Variants in ZNF441 observed in about 807,000 individuals in gnomAD.
ZNF441 encodes the protein zinc finger protein 441.
A neutral mutation model predicts 64.5 loss-of-function variants in ZNF441; 25 were observed. The observed-to-expected ratio is 0.39, with a 90% CI of 0.28 to 0.54. The LOEUF (loss-of-function observed/expected upper bound fraction) is 0.54, where lower values mean the gene tolerates loss of function less well. Among genes scored for constraint, ZNF441 ranks in the 20% least tolerant of loss-of-function variants. The pLI, the probability that ZNF441 is intolerant of heterozygous loss-of-function variation, is 0.70. For synonymous variants in ZNF441, 262 were observed against 268.0 expected, an observed-to-expected ratio of 0.98 and a Z score of 0.22; for missense variants, 715 against 843.3, an observed-to-expected ratio of 0.85 and a Z score of 1.88.
At position 11,780,995 on chromosome 19, in the gene ZNF441, C is replaced by T; in HGVS notation, c.1171C>T (p.Pro391Ser). ...TGAAACAACTCATACTGGGGAGAAA[C>T]CCTATAAATGTGAATGTGGGAAAGC... is the stretch of plus-strand genomic sequence containing the variant. Reference protein sequence around the residue: ...RHETTHTGEKPYKCECGKAFS... With the variant: ...RHETTHTGEKSYKCECGKAFS... The change falls in exon 4 of 4, where the codon CCC becomes TCC. Residue 391 changes from proline (P) to serine (S), a missense_variant. Around this residue, in one of 2 missense-constraint regions of ZNF441, gnomAD observed 316 missense variants for 429.3 expected, o/e 0.74. Transcript: ENST00000357901. The T allele has an allele frequency of 6.2e-7, 1 of 1,613,442 alleles. No individual in the cohort carries two copies. Among genetic ancestry groups the T allele is most frequent in the Non-Finnish European group, 8.5e-7 (1 of 1,179,870 alleles).
At position 11,780,174 on chromosome 19, in the gene ZNF441, C is replaced by T; in HGVS notation, c.350C>T (p.Ser117Phe). The change falls in exon 4 of 4, where the codon TCT (serine) becomes TTT (phenylalanine). Residue 117 changes from serine (S) to phenylalanine (F), a missense_variant. By Grantham distance (155) the Ser-to-Phe change is radical. Transcript: ENST00000357901. Reference protein sequence around the residue: ...ECTDVLMGRSSLNCYVRVDSE... With the variant: ...ECTDVLMGRSFLNCYVRVDSE... ...ACAGACGTCCTCATGGGTCGTTCAT[C>T]TCTTAATTGCTACGTTAGAGTTGAC... 2 of 1,614,166 alleles carry T rather than the reference C, an allele frequency of 1.2e-6. No homozygotes were observed. The highest frequency in any genetic ancestry group is 2.7e-5 in the African/African-American group (2 of 75,038).
intron 1 of ZNF441, among the ~76,000 whole-genome samples, chr19:11,776,812 CTTT>C (rs35406332): frequency 2.1e-5 from 3 of 146,264 alleles, no homozygotes; most frequent in Non-Finnish European, 3.0e-5. Context: ...TGTTTTTTCC[CTTT>C]TTTTTTTTTT....
At position 11,782,780 on chromosome 19, in the gene ZNF441, T is replaced by C. The variant is rs1002545459; in HGVS notation, c.*874T>C. On this transcript the variant is annotated 3_prime_UTR_variant, in exon 4 of 4. Transcript: ENST00000357901. ...CCTTCAAGTGACCTGGAGCCTTTGT[T>C]GCATGACAGGATTGTACCTGAAGAT... The C allele has an allele frequency of 1.1e-4, 16 of 152,350 alleles. No homozygotes were observed. The highest frequency in any genetic ancestry group is 9.1e-4 in the Admixed American group (14 of 15,308). The allele number at this position is 152,350 out of a possible 1,614,324, so 9.4% of individuals were successfully genotyped here.
chr19:11,768,714 G>C (rs1042618682), intron 1 of ZNF441, among the ~76,000 whole-genome samples: 9 of 152,232 alleles, frequency 5.9e-5, no homozygotes. Context: ...AGTGGGAGGA[G>C]TCTCCTGGTA....
chr19:11,778,339 G>A lies in ZNF441; in HGVS notation c.140G>A (p.Trp47Ter). 2 of 1,542,564 alleles carry A rather than the reference G, an allele frequency of 1.3e-6. No individual in the cohort carries two copies. Among genetic ancestry groups the A allele is most frequent in the East Asian group, 2.5e-5 (1 of 40,762 alleles). ...TGGTTCTAACTTTTAGGAATGATAT[G>A]GCAAAATCATGATATAGAAGAAGAT... ...IRNLDCIGMI[W>*]QNHDIEEDQY... Residue 47 changes from tryptophan (W) to a stop codon, truncating the protein, a stop_gained, in exon 3 of 4, where the codon TGG (tryptophan) becomes TAG (stop). Transcript: ENST00000357901. LOFTEE classifies it high-confidence loss of function.
At chr19:11,772,786 A>G (rs409210) in intron 1 of ZNF441, among the ~76,000 whole-genome samples, 73,319 of 151,504 alleles carry the variant, frequency 0.48, 19,049 homozygotes, top group African/African-American at 0.7. Flanking sequence ...CCAGCCACTC[A>G]GGAAGCTGAG....
chr19:11,776,410 A>G (rs1975355442), intron 1 of ZNF441, among the ~76,000 whole-genome samples: 1 of 152,196 alleles, frequency 6.6e-6, no homozygotes, highest in African/African-American at 2.4e-5. Context: ...GTTTTTGGAA[A>G]GCTGTTGCTT....
Position 11,781,763 on chromosome 19 carries a change from G to A in ZNF441, c.1939G>A (p.Glu647Lys), listed in dbSNP as rs750528845. ...TGGAGAGAAGCCGTATAAATGTAAG[G>A]AATGTGGGAAACCATTCCATTGTCC... ...HTGEKPYKCK[E>K]CGKPFHCPSA... Residue 647 changes from glutamate (E) to lysine (K), a missense_variant, in exon 4 of 4, where the codon GAA (glutamate) becomes AAA (lysine). By Grantham distance (56) the Glu-to-Lys change is moderately conservative. Coordinates refer to ENST00000357901, the MANE Select transcript of ZNF441 (RefSeq NM_152355.3). 6.2e-7 allele frequency: 1 copy of A among 1,614,058 alleles called. No individual in the cohort carries two copies.
At chr19:11,769,178 A>G (rs146383091) in intron 1 of ZNF441, among the ~76,000 whole-genome samples, 10 of 152,268 alleles carry the variant, frequency 6.6e-5, no homozygotes, top group African/African-American at 2.2e-4. Context: ...CTTTTTTGGT[A>G]TGGAAAAACG....
Position 11,775,777 on chromosome 19 carries a change from G to A in ZNF441, c.4-1834G>A, listed in dbSNP as rs1449006373. ...CGAGTAGCTGGAACTACAGGTGCCC[G>A]CCACCACACCTGACTAATTTTTGTA... On this transcript the variant is annotated intron_variant, in intron 1 of 3. Transcript: ENST00000357901. Among the ~76,000 whole-genome samples, 9 of 151,562 alleles carry A rather than the reference G, an allele frequency of 5.9e-5. 1 individual carries two copies. The highest frequency in any genetic ancestry group is 2.2e-4 in the African/African-American group (9 of 41,288).
chr19:11,767,019 C>G lies in ZNF441; in HGVS notation c.-175C>G. On this transcript the variant is annotated 5_prime_UTR_variant, in exon 1 of 4. Transcript: ENST00000357901. The surrounding 1 kb of genome is among the most constrained non-coding windows in gnomAD (Gnocchi z 5.1). Reference sequence around the variant, plus strand: ...AGAACTGTCAATCAGGCGCACTGACCGGAGGAGGGTGCAAGGTTCAAAGAG... The same window carrying G: ...AGAACTGTCAATCAGGCGCACTGACGGGAGGAGGGTGCAAGGTTCAAAGAG... 2 of 900,740 alleles carry G rather than the reference C, an allele frequency of 2.2e-6. No homozygotes were observed. Among genetic ancestry groups the G allele is most frequent in the Non-Finnish European group, 3.4e-6 (2 of 590,638 alleles). 55.8% of individuals were successfully genotyped at this position (900,740 alleles called of 1,614,324 possible). A position where few individuals can be genotyped will look rare whatever the true frequency, so the allele number is the denominator to read the frequency against.
rs1049301284 is a variant in ZNF441 at position 11,777,488 on chromosome 19, G to A, written c.4-123G>A. 5 of 1,107,242 alleles carry A rather than the reference G, an allele frequency of 4.5e-6. No individual in the cohort carries two copies. The African/African-American group carries it at 6.3e-5, about 14-fold the overall frequency. The allele number at this position is 1,107,242 out of a possible 1,614,324, so 68.6% of individuals were successfully genotyped here. A position where few individuals can be genotyped will look rare whatever the true frequency, so the allele number is the denominator to read the frequency against. On this transcript the variant is annotated intron_variant, in intron 1 of 3. Coordinates refer to ENST00000357901, the MANE Select transcript of ZNF441 (RefSeq NM_152355.3). ...GAGTGTAAAGAGAGAATAAGAGTGG[G>A]TTTACCATGTTCTTGAATAAATGCT...
chr19:11,778,431 G>A (rs1170837680), intron 3 of ZNF441, 38 bp downstream of exon 3: 1 of 1,401,108 alleles, frequency 7.1e-7, no homozygotes, highest in African/African-American at 1.5e-5. Context: ...TGTCCTTGAA[G>A]TGATTCATAG....
chr19:11,774,289 G>C (rs1473211011), intron 1 of ZNF441, among the ~76,000 whole-genome samples: 1 of 152,058 alleles, frequency 6.6e-6, no homozygotes, highest in Non-Finnish European at 1.5e-5. Flanking sequence ...AGATCAGATA[G>C]GTATAAGAAA....
Position 11,779,318 on chromosome 19 carries a change from C to CAAA in ZNF441, c.195-684_195-682dup, listed in dbSNP as rs67463970. On this transcript the variant is annotated intron_variant, in intron 3 of 3. Transcript: ENST00000357901. ...TGGGCAACAGAGCAAAACCCAGTTT[C>CAAA]AAAAAAAAAAAAAAAAAAAGAAAAA... 3.9e-5 allele frequency among the ~76,000 whole-genome samples: 4 copies of CAAA among 103,448 alleles called. No individual in the cohort carries two copies. In the East Asian group the frequency reaches 1.2e-3, roughly 30 times the overall value. 67.9% of individuals were successfully genotyped at this position (103,448 alleles called of 152,430 possible). A position where few individuals can be genotyped will look rare whatever the true frequency, so the allele number is the denominator to read the frequency against.
intron 1 of ZNF441, among the ~76,000 whole-genome samples, chr19:11,777,272 T>A (rs1975362635): frequency 6.6e-6 from 1 of 151,856 alleles, no homozygotes; most frequent in South Asian, 2.1e-4. Flanking sequence ...TGCTGGTAAC[T>A]CTCTTTTGCA....
At chr19:11,775,282 A>G (rs1375063813) in intron 1 of ZNF441, among the ~76,000 whole-genome samples, 1 of 152,156 alleles carries the variant, frequency 6.6e-6, no homozygotes, top group East Asian at 1.9e-4. Flanking sequence ...CAGTGCATGC[A>G]TTTCCAGTAC....
chr19:11,782,139 G>T lies in ZNF441; in HGVS notation c.*233G>T. 2.6e-6 allele frequency: 1 copy of T among 384,666 alleles called. No homozygotes were observed. Among genetic ancestry groups the T allele is most frequent in the East Asian group, 4.0e-5 (1 of 25,190 alleles). 23.8% of individuals were successfully genotyped at this position (384,666 alleles called of 1,614,324 possible). A position where few individuals can be genotyped will look rare whatever the true frequency, so the allele number is the denominator to read the frequency against. ...TTCTTTGTCTAGCAAACTTTCAAAG[G>T]TGGTTATTATAACATACTAGCAATG... On this transcript the variant is annotated 3_prime_UTR_variant, in exon 4 of 4. Coordinates refer to ENST00000357901, the MANE Select transcript of ZNF441 (RefSeq NM_152355.3).
rs745602445 is a variant in ZNF441 at position 11,781,498 on chromosome 19, C to T, written c.1674C>T (p.Pro558=). 2 of 1,613,938 alleles carry T rather than the reference C, an allele frequency of 1.2e-6. No individual in the cohort carries two copies. Among genetic ancestry groups the T allele is most frequent in the African/African-American group, 2.7e-5 (2 of 74,880 alleles). ...AAAGGACTCACACTGGAGAGAAACCCTATGGTTGTCAGCAATGTGGGAAAG... is the reference window on the plus strand; with the variant it reads ...AAAGGACTCACACTGGAGAGAAACCTTATGGTTGTCAGCAATGTGGGAAAG... The part of the protein sequence containing the change: ...LHERTHTGEK[P]YGCQQCGKAL... The change falls in exon 4 of 4, where the codon CCC becomes CCT. Residue 558 remains proline (P), a synonymous_variant. Coordinates refer to ENST00000357901, the MANE Select transcript of ZNF441 (RefSeq NM_152355.3).
Sources: gnomAD v4.1 joint callset for allele counts (sites outside exome capture counted in the v4.1 genomes callset) on GRCh38, gnomAD v4.1.1 for gene constraint, gnomAD v4.1.1 regional missense constraint, Gnocchi (gnomAD v3.1) non-coding constraint, MANE v1.5 for transcripts, NCBI Gene and HGNC (gene_info 2026-07-23, HGNC 2026-07-21) for gene names.